EFHC2: variants seen among roughly 807,000 people sequenced by gnomAD.
EFHC2 encodes the protein EF-hand domain containing 2.
EFHC2 carries 18 observed loss-of-function variants against 52.7 expected under a neutral mutation model. The observed-to-expected ratio is 0.34, with a 90% CI of 0.24 to 0.51. The LOEUF (loss-of-function observed/expected upper bound fraction) is 0.51. EFHC2 is among the 20% of genes least tolerant of loss of function. The pLI, the probability that EFHC2 is intolerant of heterozygous loss-of-function variation, is 0.97. For missense variants in EFHC2, 513 were observed against 562.5 expected (o/e 0.91, Z 0.89); for synonymous variants, 203 against 204.1 (o/e 0.99, Z 0.04).
At chrX:44,188,961 T>TA (rs762303853) in intron 11 of EFHC2, among the ~76,000 whole-genome samples, 2 of 106,301 alleles carry the variant, frequency 1.9e-5, no homozygotes, top group Admixed American at 1.0e-4. Context: ...CTACTAAAAA[T>TA]AAAAAAAAAT....
chrX:44,174,015 T>C (rs2036765365), intron 13 of EFHC2, among the ~76,000 whole-genome samples: 1 of 112,149 alleles, frequency 8.9e-6, no homozygotes, highest in South Asian at 3.7e-4. Flanking sequence ...GATCCAATTG[T>C]TGAAAAACAT....
chrX:44,183,695 C>G (rs1354590565), intron 11 of EFHC2, among the ~76,000 whole-genome samples: 12 of 111,915 alleles, frequency 1.1e-4, no homozygotes, highest in Non-Finnish European at 1.9e-5. Context: ...TTCATACTGC[C>G]CACCTCCAGA....
intron 14 of EFHC2, among the ~76,000 whole-genome samples, chrX:44,160,697 G>A (rs943793987): frequency 1.8e-5 from 2 of 111,835 alleles, no homozygotes; most frequent in African/African-American, 6.5e-5. Context: ...CGAGGCAGGC[G>A]GATCACAAAG....
chrX:44,283,240 T>A (rs1232408239), intron 2 of EFHC2, among the ~76,000 whole-genome samples: 2 of 111,787 alleles, frequency 1.8e-5, no homozygotes, highest in East Asian at 5.6e-4. Flanking sequence ...TGGAGTGCAG[T>A]GGTACGATCT....
At chrX:44,272,883 CA>C in intron 2 of EFHC2, 47 bp from the exon 3 acceptor site, 2 of 1,060,643 alleles carry the variant, frequency 1.9e-6, no homozygotes, top group African/African-American at 3.7e-5. Context: ...GAAAATTCAG[CA>C]AACTTAAAAT....
intron 1 of EFHC2, among the ~76,000 whole-genome samples, chrX:44,324,735 T>C (rs1262172041): frequency 1.8e-5 from 2 of 112,043 alleles, no homozygotes; most frequent in East Asian, 5.5e-4. Flanking sequence ...AATCCAACAA[T>C]GCTATAAAAA....
intron 13 of EFHC2, among the ~76,000 whole-genome samples, 180 bp downstream of exon 13, chrX:44,176,112 A>G (rs922873524): frequency 1.8e-5 from 2 of 112,670 alleles, no homozygotes; most frequent in African/African-American, 6.4e-5. Context: ...GCTCTCTAAC[A>G]TTCAAAATCA....
chrX:44,254,020 A>T (rs1464618863), intron 4 of EFHC2, among the ~76,000 whole-genome samples: 3 of 112,638 alleles, frequency 2.7e-5, no homozygotes, highest in African/African-American at 9.7e-5. Flanking sequence ...GACCTGCAGC[A>T]GAGAAGCCTG....
intron 11 of EFHC2, among the ~76,000 whole-genome samples, chrX:44,187,052 A>G (rs2036880766): frequency 9.6e-6 from 1 of 103,875 alleles, no homozygotes; most frequent in African/African-American, 3.6e-5. Flanking sequence ...CAAGGAGGTC[A>G]AAGTTGTAGT....
intron 8 of EFHC2, among the ~76,000 whole-genome samples, chrX:44,238,774 C>G (rs1244467626): frequency 8.9e-6 from 1 of 112,053 alleles, no homozygotes; most frequent in East Asian, 2.8e-4. Flanking sequence ...CCCCATACTC[C>G]CAATCTGCCT....
intron 3 of EFHC2, among the ~76,000 whole-genome samples, chrX:44,267,777 T>C (rs2037588658): frequency 8.9e-6 from 1 of 111,734 alleles, no homozygotes; most frequent in Non-Finnish European, 1.9e-5. Flanking sequence ...AAAGAAACAC[T>C]ACCTACCCTG....
At chrX:44,328,220 G>A (rs1285461453) in intron 1 of EFHC2, among the ~76,000 whole-genome samples, 1 of 111,788 alleles carries the variant, frequency 8.9e-6, no homozygotes, top group Non-Finnish European at 1.9e-5. Flanking sequence ...CCTCTTTTTA[G>A]GAGTCTGTTT....
intron 13 of EFHC2, among the ~76,000 whole-genome samples, chrX:44,170,486 G>A (rs1206531271): frequency 9.0e-6 from 1 of 110,558 alleles, no homozygotes; most frequent in Non-Finnish European, 1.9e-5. Flanking sequence ...AATATTACAG[G>A]AGTGAGAACA....
intron 8 of EFHC2, among the ~76,000 whole-genome samples, chrX:44,237,115 T>G (rs1201414120): frequency 3.6e-5 from 4 of 110,493 alleles, no homozygotes; most frequent in Admixed American, 2.9e-4. Context: ...GTTTATTATA[T>G]ATAAAAGTCA....
chrX:44,312,808 T>C, intron 1 of EFHC2, 52 bp from the exon 2 acceptor site: 3 of 1,052,768 alleles, frequency 2.8e-6, no homozygotes, highest in Non-Finnish European at 3.7e-6. Flanking sequence ...TTTATGACTT[T>C]TCTAACCTGT....
intron 1 of EFHC2, among the ~76,000 whole-genome samples, chrX:44,335,663 T>C (rs912288680): frequency 8.9e-6 from 1 of 112,194 alleles, no homozygotes; most frequent in Admixed American, 9.5e-5. Context: ...TCAGCTAATG[T>C]ACTTATGAAG....
Position 44,148,886 on chromosome X carries a change from T to A in EFHC2, c.2159A>T (p.Asp720Val). The A allele has an allele frequency of 8.5e-7, 1 of 1,174,272 alleles. No homozygotes were observed. Among genetic ancestry groups the A allele is most frequent in the South Asian group, 1.9e-5 (1 of 52,503 alleles). The stretch of plus-strand genomic sequence containing the variant: ...AGGTGATGGCATACCAAGCCAAACA[T>A]CTTCACATCTCTAGAAAAAAACCAA... ...PASYLKERCE[D>V]VWLGMPSPIP... The change falls in exon 15 of 15, where the codon GAT (aspartate) becomes GTT (valine). Residue 720 changes from aspartate (D) to valine (V), a missense_variant. Coordinates refer to ENST00000420999, the MANE Select transcript of EFHC2 (RefSeq NM_025184.4).
Position 44,261,415 on chromosome X carries a change from C to T in EFHC2, c.383-117G>A. 4 of 600,953 alleles carry T rather than the reference C, an allele frequency of 6.7e-6. No individual in the cohort carries two copies. In the East Asian group the frequency reaches 1.1e-4, roughly 16 times the overall value. The allele number at this position is 600,953 out of a possible 1,213,427, so 49.5% of individuals were successfully genotyped here. Reference sequence around the variant, plus strand: ...GCAACAGAAAACTGGGCAAAGGACTCGTTCTAGGAAGCAGCATTAGTACAT... The same window carrying T: ...GCAACAGAAAACTGGGCAAAGGACTTGTTCTAGGAAGCAGCATTAGTACAT... On this transcript the variant is annotated intron_variant, in intron 3 of 14. Coordinates refer to ENST00000420999, the MANE Select transcript of EFHC2 (RefSeq NM_025184.4).
intron 7 of EFHC2, among the ~76,000 whole-genome samples, chrX:44,246,411 A>C (rs776753473): frequency 1.4e-4 from 16 of 112,546 alleles, no homozygotes; most frequent in Non-Finnish European, 2.8e-4. Flanking sequence ...GAGAAATATA[A>C]AAAGTCAGTG....
Sources: allele counts gnomAD v4.1 joint callset (sites outside exome capture counted in the v4.1 genomes callset), GRCh38; gene constraint gnomAD v4.1.1; transcripts MANE v1.5; gene names NCBI Gene and HGNC (gene_info 2026-07-23, HGNC 2026-07-21).